Variants in FAAH observed in about 807,000 individuals in gnomAD.
The protein encoded by FAAH is fatty-acid amide hydrolase 1.
Under a neutral mutation model 69.7 loss-of-function variants are expected in FAAH, and 63 were observed. The ratio of observed to expected loss-of-function variants is 0.90; its 90% CI spans 0.74 to 1.12. The LOEUF (loss-of-function observed/expected upper bound fraction) is 1.12. Among genes scored for constraint, FAAH ranks in the 50% most tolerant of loss-of-function variants. FAAH has a pLI of 0.00. For synonymous variants in FAAH, 305 were observed against 324.2 expected, an observed-to-expected ratio of 0.94 and a Z score of 0.64; for missense variants, 680 against 755.0, an observed-to-expected ratio of 0.90 and a Z score of 1.16.
chr1:46,408,611 T>C, intron 8 of FAAH, 27 bp downstream of exon 8: 1 of 1,614,058 alleles, frequency 6.2e-7, no homozygotes, highest in Non-Finnish European at 8.5e-7. Context: ...CTGGAAGTAC[T>C]GGCATCTCCT....
In FAAH at chr1:46,404,061, C is replaced by A. The variant is rs1369523480; in HGVS notation, c.310-953C>A. On this transcript the variant is annotated intron_variant, in intron 2 of 14. Coordinates refer to ENST00000243167, the MANE Select transcript of FAAH (RefSeq NM_001441.3). The surrounding 1 kb of genome is among the most constrained non-coding windows in gnomAD (Gnocchi z 4.5). ...ACTTGTCTGGGTGCAGTGTATGTGA[C>A]AATGCTGTGGGGGCTGCAGCTGAGG... Among the ~76,000 whole-genome samples the A allele has an allele frequency of 6.6e-6, 1 of 152,130 alleles. No homozygotes were observed. Among genetic ancestry groups the A allele is most frequent in the Non-Finnish European group, 1.5e-5 (1 of 68,032 alleles).
chr1:46,410,257 G>T lies in FAAH; in HGVS notation c.1176-141G>T, dbSNP rs1664886782. The T allele has an allele frequency of 1.3e-6, 1 of 756,906 alleles. No individual in the cohort carries two copies. Among genetic ancestry groups the T allele is most frequent in the African/African-American group, 1.7e-5 (1 of 58,458 alleles). 46.9% of individuals were successfully genotyped at this position (756,906 alleles called of 1,614,324 possible). On this transcript the variant is annotated intron_variant, in intron 9 of 14. Coordinates refer to ENST00000243167, the MANE Select transcript of FAAH (RefSeq NM_001441.3). This position sits in a 1 kb window ranked among gnomAD's most constrained non-coding sequence, Gnocchi z 4.9. ...AAGGATCAGCAGAAACAAACGGCAT[G>T]TTTGGAAGGAGGGAGCTGAGTCTGG... is the stretch of plus-strand genomic sequence containing the variant.
rs770455647 is a variant in FAAH at position 46,405,692 on chromosome 1, G to C, written c.683G>C (p.Gly228Ala). 47 of 1,613,460 alleles carry C rather than the reference G, an allele frequency of 2.9e-5. No homozygotes were observed. Among genetic ancestry groups the C allele is most frequent in the Non-Finnish European group, 4.2e-6 (5 of 1,180,052 alleles). Residue 228 changes from glycine to alanine, a missense_variant, in exon 5 of 15, where the codon GGA (glycine) becomes GCA (alanine). Transcript: ENST00000243167. This position sits in a 1 kb window ranked among gnomAD's most constrained non-coding sequence, Gnocchi z 4.1. ...SGGEGALIGS[G>A]GSPLGLGTDI... Reference sequence around the variant, plus strand: ...GGTGAAGGGGCCCTCATCGGGTCTGGAGGCTCCCCCCTGGGCTTAGGCACT... The same window carrying C: ...GGTGAAGGGGCCCTCATCGGGTCTGCAGGCTCCCCCCTGGGCTTAGGCACT...
chr1:46,405,319 G>T lies in FAAH; in HGVS notation c.445-53G>T. 2 of 1,605,410 alleles carry T rather than the reference G, an allele frequency of 1.2e-6. No individual in the cohort carries two copies. The highest frequency in any genetic ancestry group is 1.7e-6 in the Non-Finnish European group (2 of 1,179,848). ...GTGACAGTTGTTGGAGTGGACCCTT[G>T]GCTGCCCACGGGCCCTGACTCACTC... On this transcript the variant is annotated intron_variant, in intron 3 of 14. Transcript: ENST00000243167. The surrounding 1 kb of genome is among the most constrained non-coding windows in gnomAD (Gnocchi z 4.1).
chr1:46,398,829 C>A (rs1289086417), intron 1 of FAAH, among the ~76,000 whole-genome samples: 2 of 152,174 alleles, frequency 1.3e-5, no homozygotes, highest in African/African-American at 4.8e-5. Context: ...GCCACCACTC[C>A]CGGATTCTTG....
At chr1:46,412,402 G>C in intron 13 of FAAH, 151 bp downstream of exon 13, 1 of 684,570 alleles carries the variant, frequency 1.5e-6, no homozygotes, top group East Asian at 2.7e-5. Context: ...CATGTGGGTT[G>C]CCCTGGCAGG....
At chr1:46,412,517 C>G (rs547088928) in intron 13 of FAAH, among the ~76,000 whole-genome samples, 5 of 152,234 alleles carry the variant, frequency 3.3e-5, no homozygotes, top group African/African-American at 1.2e-4. Flanking sequence ...TTAGATAAAT[C>G]AAGAAAATAG....
Position 46,404,887 on chromosome 1 carries a change from C to A in FAAH, c.310-127C>A. The A allele has an allele frequency of 1.6e-6, 2 of 1,255,770 alleles. No homozygotes were observed. The highest frequency in any genetic ancestry group is 2.3e-6 in the Non-Finnish European group (2 of 882,382). 77.8% of individuals were successfully genotyped at this position (1,255,770 alleles called of 1,614,324 possible). On this transcript the variant is annotated intron_variant, in intron 2 of 14. Transcript: ENST00000243167. This position sits in a 1 kb window ranked among gnomAD's most constrained non-coding sequence, Gnocchi z 4.5. ...CATCCTCTGTGCCCCAGGCTCTGGG[C>A]CATGTTGCTGGTTACCCCTCTCCCT...
At chr1:46,407,969 A>G (rs1016616083) in intron 7 of FAAH, among the ~76,000 whole-genome samples, 2 of 152,100 alleles carry the variant, frequency 1.3e-5, no homozygotes, top group Non-Finnish European at 2.9e-5. Context: ...TGGGCTGGGT[A>G]GGGTGAACTC....
rs547315323 is a variant in FAAH at position 46,411,679 on chromosome 1, A to C, written c.1356+28A>C. The C allele has an allele frequency of 2.3e-6, 3 of 1,290,792 alleles. No individual in the cohort carries two copies. Among genetic ancestry groups the C allele is most frequent in the Non-Finnish European group, 3.3e-6 (3 of 897,272 alleles). The allele number at this position is 1,290,792 out of a possible 1,614,324, so 80.0% of individuals were successfully genotyped here. On this transcript the variant is annotated intron_variant, in intron 12 of 14. Coordinates refer to ENST00000243167, the MANE Select transcript of FAAH (RefSeq NM_001441.3). The surrounding 1 kb of genome is among the most constrained non-coding windows in gnomAD (Gnocchi z 4.8). ...GAGGCCAGAGCCTCTGGATTGGAGC[A>C]GGGTGGTGGGGGGAGGGTGGAGTTG... is the stretch of plus-strand genomic sequence containing the variant.
chr1:46,403,611 T>C (rs45523134), intron 2 of FAAH, among the ~76,000 whole-genome samples: 1 of 152,248 alleles, frequency 6.6e-6, no homozygotes, highest in Non-Finnish European at 1.5e-5. Context: ...AGCTCTGCAC[T>C]GGCTTGGGTG....
Position 46,402,055 on chromosome 1 carries a change from GCGAGTAGGGGACTGATC to G in FAAH, c.196-30_196-14del. On this transcript the variant is annotated intron_variant, in intron 1 of 14. Transcript: ENST00000243167. ...TCTGCTGCAGGCCCATGAGACTTCG[GCGAGTAGGGGACTGATC>G]CGAGTTTGTTCCCCACAGAACCCAG... 6.5e-7 allele frequency: 1 copy of G among 1,546,836 alleles called. No homozygotes were observed. The highest frequency in any genetic ancestry group is 8.8e-7 in the Non-Finnish European group (1 of 1,136,182).
chr1:46,406,583 C>CTT (rs34839737), intron 7 of FAAH, among the ~76,000 whole-genome samples: 50 of 117,774 alleles, frequency 4.2e-4, no homozygotes, highest in African/African-American at 8.0e-4. Flanking sequence ...TTCTTTCTTT[C>CTT]TTTTTTTTTT....
Position 46,405,867 on chromosome 1 carries a change from C to G in FAAH, c.785+73C>G. On this transcript the variant is annotated intron_variant, in intron 5 of 14. Transcript: ENST00000243167. This position sits in a 1 kb window ranked among gnomAD's most constrained non-coding sequence, Gnocchi z 4.1. The stretch of plus-strand genomic sequence containing the variant: ...GCCTAGCTTCCAACCTCTCTGGGCT[C>G]CAGGCGGGGATTCGGTCTCCGGGGT... 6.2e-7 allele frequency: 1 copy of G among 1,606,186 alleles called. No individual in the cohort carries two copies. Among genetic ancestry groups the G allele is most frequent in the Non-Finnish European group, 8.5e-7 (1 of 1,176,668 alleles).
intron 1 of FAAH, among the ~76,000 whole-genome samples, chr1:46,399,371 G>A (rs1264377833): frequency 1.3e-5 from 2 of 152,228 alleles, no homozygotes; most frequent in Non-Finnish European, 2.9e-5. Flanking sequence ...TTGGTCTTCT[G>A]GAGGTGCAGA....
Position 46,405,489 on chromosome 1 carries a change from C to G in FAAH, c.562C>G (p.Pro188Ala). 1 of 1,612,808 alleles carries G rather than the reference C, an allele frequency of 6.2e-7. No homozygotes were observed. The highest frequency in any genetic ancestry group is 1.6e-4 in the Middle Eastern group (1 of 6,062). The change falls in exon 4 of 15, where the codon CCA becomes GCA. Residue 188 changes from proline to alanine, a missense_variant. Physicochemically the swap from Pro to Ala is conservative, Grantham distance 27. Transcript: ENST00000243167. This position sits in a 1 kb window ranked among gnomAD's most constrained non-coding sequence, Gnocchi z 4.1. The part of the protein sequence containing the change: ...GAVPFVHTNV[P>A]QSMFSYDCSN... Reference sequence around the variant, plus strand: ...CGTGCCCTTCGTGCACACCAATGTTCCACAGTCCATGTTCAGGTTGGGTCT... The same window carrying G: ...CGTGCCCTTCGTGCACACCAATGTTGCACAGTCCATGTTCAGGTTGGGTCT...
chr1:46,399,629 G>C (rs550944188), intron 1 of FAAH, among the ~76,000 whole-genome samples: 26 of 152,194 alleles, frequency 1.7e-4, no homozygotes, highest in Admixed American at 1.7e-3. Flanking sequence ...TTATTCCAGG[G>C]TGGTGAATGC....
In FAAH at chr1:46,406,290, A is replaced by C; in HGVS notation, c.873A>C (p.Ala291=). Residue 291 remains alanine (A), a synonymous_variant, in exon 7 of 15, where the codon GCA becomes GCC. Transcript: ENST00000243167. The part of the protein sequence containing the change: ...GPMARDVESL[A]LCLRALLCED... ...TGGCCCGGGACGTGGAGAGCCTGGC[A>C]CTGTGCCTGCGAGCCCTGCTGTGTG... 1 of 1,613,734 alleles carries C rather than the reference A, an allele frequency of 6.2e-7. No individual in the cohort carries two copies. The highest frequency in any genetic ancestry group is 8.5e-7 in the Non-Finnish European group (1 of 1,179,802).
intron 1 of FAAH, among the ~76,000 whole-genome samples, chr1:46,396,767 A>G (rs981066152): frequency 1.3e-5 from 2 of 152,224 alleles, no homozygotes; most frequent in South Asian, 2.1e-4. Flanking sequence ...CTCTTAGTAC[A>G]GAACAAAATG....
Sources: gnomAD v4.1 joint callset for allele counts (sites outside exome capture counted in the v4.1 genomes callset) on GRCh38, gnomAD v4.1.1 for gene constraint, Gnocchi (gnomAD v3.1) non-coding constraint, MANE v1.5 for transcripts, NCBI Gene and HGNC (gene_info 2026-07-23, HGNC 2026-07-21) for gene names.